Variants in STK33 observed in about 807,000 individuals in gnomAD.
STK33 encodes serine/threonine kinase 33.
A neutral mutation model predicts 58.0 loss-of-function variants in STK33; 52 were observed. The ratio of observed to expected loss-of-function variants is 0.90; its 90% CI spans 0.72 to 1.13. The LOEUF is 1.13. Among genes scored for constraint, STK33 ranks in the 50% most tolerant of loss-of-function variants. The pLI is 0.00. For missense variants in STK33, 630 were observed against 604.2 expected (o/e 1.04, Z -0.45); for synonymous variants, 215 against 200.1 (o/e 1.07, Z -0.63).
chr11:8,383,916 T>C, the STK33 span, among the ~76,000 whole-genome samples: 1 of 152,180 alleles, frequency 6.6e-6, no homozygotes, highest in African/African-American at 2.4e-5. Context: ...CTTCACATCC[T>C]TCTCCACCTT....
intron 1 of STK33, among the ~76,000 whole-genome samples, chr11:8,567,673 C>A (rs1957540740): frequency 6.6e-6 from 1 of 152,142 alleles, no homozygotes; most frequent in African/African-American, 2.4e-5. Flanking sequence ...ACTGGGAAGT[C>A]TTTTCATTGT....
chr11:8,515,181 C>G (rs1221287252), intron 1 of STK33, among the ~76,000 whole-genome samples: 1 of 151,584 alleles, frequency 6.6e-6, no homozygotes, highest in African/African-American at 2.4e-5. Context: ...CTTAGCTATA[C>G]TAAGAAAAAA....
At chr11:8,547,442 G>A (rs1956013467) in intron 1 of STK33, among the ~76,000 whole-genome samples, 1 of 152,190 alleles carries the variant, frequency 6.6e-6, no homozygotes, top group Admixed American at 6.5e-5. Flanking sequence ...TCGAACTCCT[G>A]ACCTCAGGTG....
chr11:8,445,936 T>C (rs906477450), intron 11 of STK33, among the ~76,000 whole-genome samples: 3 of 152,220 alleles, frequency 2.0e-5, no homozygotes, highest in South Asian at 2.1e-4. Flanking sequence ...TTGTTTGGAA[T>C]AGTTTCAGAA....
At chr11:8,504,526 C>T (rs757050761) in intron 1 of STK33, among the ~76,000 whole-genome samples, 2 of 152,116 alleles carry the variant, frequency 1.3e-5, no homozygotes, top group Non-Finnish European at 2.9e-5. Flanking sequence ...CCATGGCTCA[C>T]GTCTATAATC....
rs760906000 is a variant in STK33, at chr11:8,474,812, T to C, written c.94A>G (p.Thr32Ala). 1.9e-6 allele frequency: 3 copies of C among 1,613,350 alleles called. No individual in the cohort carries two copies. Among genetic ancestry groups the C allele is most frequent in the Non-Finnish European group, 2.5e-6 (3 of 1,179,742 alleles). The change falls in exon 5 of 16, where the codon ACA becomes GCA. Residue 32 changes from threonine to alanine, a missense_variant. Coordinates refer to ENST00000687296, the MANE Select transcript of STK33 (RefSeq NM_001352389.2). ...ACCACCAAAACTGGAGGAACCCTTGTTTTGCTGGAACATACACAAAGTACA... is the reference window on the plus strand; with the variant it reads ...ACCACCAAAACTGGAGGAACCCTTGCTTTGCTGGAACATACACAAAGTACA... ...KDVLCVCSSK[T>A]RVPPVLVVEM... is the part of the protein sequence containing the mutation.
intron 6 of STK33, among the ~76,000 whole-genome samples, chr11:8,468,231 C>T (rs1318178877): frequency 2.0e-5 from 3 of 152,128 alleles, no homozygotes; most frequent in Non-Finnish European, 2.9e-5. Flanking sequence ...CCATCACATC[C>T]TATGAGATCC....
At chr11:8,421,022 G>A (rs77842267) in intron 14 of STK33, among the ~76,000 whole-genome samples, 16,290 of 150,366 alleles carry the variant, frequency 0.11, 986 homozygotes, top group African/African-American at 0.15. Context: ...TTTTGTTTTA[G>A]TTGTTTTAAC....
At chr11:8,425,882 T>C (rs1336470170) in intron 14 of STK33, among the ~76,000 whole-genome samples, 1 of 151,930 alleles carries the variant, frequency 6.6e-6, no homozygotes, top group East Asian at 1.9e-4. Context: ...CTCAAACCTC[T>C]AGAGGGAGGA....
intron 15 of STK33, among the ~76,000 whole-genome samples, chr11:8,397,519 G>C (rs935736316): frequency 6.6e-6 from 1 of 152,158 alleles, no homozygotes; most frequent in South Asian, 2.1e-4. Context: ...GGAAAAACCA[G>C]AGCAGAAAAA....
At chr11:8,535,956 G>T (rs1954965304) in intron 1 of STK33, among the ~76,000 whole-genome samples, 1 of 152,156 alleles carries the variant, frequency 6.6e-6, no homozygotes, top group South Asian at 2.1e-4. Context: ...CAGCAATATG[G>T]ACATAACTGG....
intron 1 of STK33, among the ~76,000 whole-genome samples, chr11:8,582,484 T>C (rs908101729): frequency 6.6e-6 from 1 of 152,126 alleles, no homozygotes; most frequent in Non-Finnish European, 1.5e-5. Flanking sequence ...GCAGACACTT[T>C]CTTCACAAGG....
intron 12 of STK33, among the ~76,000 whole-genome samples, chr11:8,440,220 G>C (rs1050005583): frequency 6.6e-6 from 1 of 152,020 alleles, no homozygotes; most frequent in Non-Finnish European, 1.5e-5. Context: ...TGGGAACTGG[G>C]AACTGTAGAA....
intron 1 of STK33, among the ~76,000 whole-genome samples, chr11:8,526,072 G>GA (rs1311362573): frequency 6.6e-6 from 1 of 152,096 alleles, no homozygotes; most frequent in African/African-American, 2.4e-5. Flanking sequence ...CAAAGAAGCA[G>GA]AAAAAAGAGA....
At chr11:8,510,763 T>A (rs974051571) in intron 1 of STK33, among the ~76,000 whole-genome samples, 1 of 152,176 alleles carries the variant, frequency 6.6e-6, no homozygotes, top group African/African-American at 2.4e-5. Flanking sequence ...TATGGTGTCC[T>A]TTTCCCAACT....
intron 1 of STK33, chr11:8,593,862 G>A (rs561965765): frequency 6.6e-6 from 1 of 152,378 alleles, no homozygotes. Context: ...GGACCCGGGG[G>A]AAATGGGGTA....
chr11:8,386,021 CCT>C, the STK33 span, among the ~76,000 whole-genome samples: 1 of 152,176 alleles, frequency 6.6e-6, no homozygotes, highest in African/African-American at 2.4e-5. Context: ...GATCCACCCA[CCT>C]TGGCCTCCCA....
chr11:8,523,027 C>T (rs903975003), intron 1 of STK33, among the ~76,000 whole-genome samples: 2 of 152,226 alleles, frequency 1.3e-5, no homozygotes, highest in African/African-American at 2.4e-5. Flanking sequence ...CTCCTGACCG[C>T]GAGTGATCTG....
At chr11:8,409,733 A>G (rs1939885857) in intron 15 of STK33, among the ~76,000 whole-genome samples, 1 of 152,160 alleles carries the variant, frequency 6.6e-6, no homozygotes, top group African/African-American at 2.4e-5. Flanking sequence ...AAATATATGC[A>G]ATTTTAGTAA....
Sources: gnomAD v4.1 joint callset for allele counts (sites outside exome capture counted in the v4.1 genomes callset) on GRCh38, gnomAD v4.1.1 for gene constraint, MANE v1.5 for transcripts, NCBI Gene and HGNC (gene_info 2026-07-23, HGNC 2026-07-21) for gene names.